SKA1: variants seen among roughly 807,000 people sequenced by gnomAD.
SKA1 encodes SKA complex subunit 1.
Under a neutral mutation model 31.8 loss-of-function variants are expected in SKA1, and 20 were observed. The ratio of observed to expected loss-of-function variants is 0.63; its 90% confidence interval spans 0.44 to 0.91. SKA1 has a LOEUF of 0.91. Ranked by LOEUF, SKA1 falls within the 40% of genes least tolerant of loss-of-function variation. SKA1 has a pLI of 0.00. For synonymous variants in SKA1, 88 were observed against 100.5 expected (o/e 0.88, Z 0.74); for missense variants, 253 against 298.2 (o/e 0.85, Z 1.12).
chr18:50,387,890 TG>T (rs2041323686), intron 5 of SKA1, among the ~76,000 whole-genome samples: 1 of 152,232 alleles, frequency 6.6e-6, no homozygotes, highest in Non-Finnish European at 1.5e-5. Context: ...GCTCTCAGCC[TG>T]TATTTTTATC....
chr18:50,380,453 A>G (rs1289810667), intron 3 of SKA1, among the ~76,000 whole-genome samples: 1 of 152,160 alleles, frequency 6.6e-6, no homozygotes, highest in East Asian at 1.9e-4. Context: ...TGGCCAGTGG[A>G]ATTGAACTTT....
intron 2 of SKA1, among the ~76,000 whole-genome samples, chr18:50,376,923 A>G (rs932253492): frequency 6.6e-6 from 1 of 151,888 alleles, no homozygotes; most frequent in Admixed American, 6.6e-5. Context: ...TTCCACATTC[A>G]CATCTTGTTC....
chr18:50,382,091 A>G, intron 3 of SKA1, 38 bp from the exon 4 acceptor site: 1 of 1,149,072 alleles, frequency 8.7e-7, no homozygotes, highest in Non-Finnish European at 1.2e-6. Context: ...ACACATGGGG[A>G]GGACAGAGAC....
intron 1 of SKA1, 111 bp downstream of exon 1, chr18:50,375,305 G>A (rs1206254600): frequency 2.0e-5 from 3 of 152,380 alleles, no homozygotes; most frequent in African/African-American, 7.2e-5. Context: ...GCTGGAGGCT[G>A]GGTTGGATGC....
chr18:50,384,872 A>G (rs12960059), intron 4 of SKA1, among the ~76,000 whole-genome samples: 1 of 68,790 alleles, frequency 1.5e-5, no homozygotes, highest in Non-Finnish European at 2.6e-5. Context: ...AAAAAAAATT[A>G]AAAAAAAAAA....
chr18:50,381,722 G>GTTT (rs1568328805), intron 3 of SKA1, among the ~76,000 whole-genome samples: 2 of 125,882 alleles, frequency 1.6e-5, no homozygotes. Context: ...CAGTCAATGT[G>GTTT]GTTTTTTTTT....
At chr18:50,379,348 G>C (rs1199208335) in intron 2 of SKA1, among the ~76,000 whole-genome samples, 1 of 152,128 alleles carries the variant, frequency 6.6e-6, no homozygotes, top group Non-Finnish European at 1.5e-5. Context: ...ACCAGCTTGT[G>C]ACTTTTTATG....
chr18:50,382,256 C>A (rs2149320445), intron 4 of SKA1, 30 bp downstream of exon 4: 2 of 1,325,446 alleles, frequency 1.5e-6, no homozygotes, highest in Non-Finnish European at 2.0e-6. Flanking sequence ...TTCTTGCTAT[C>A]TGGATTTATA....
intron 5 of SKA1, among the ~76,000 whole-genome samples, chr18:50,385,961 C>G (rs889766572): frequency 1.3e-5 from 2 of 151,668 alleles, no homozygotes; most frequent in Admixed American, 6.6e-5. Context: ...TTTTATTATA[C>G]GAATAATACA....
intron 1 of SKA1, 37 bp from the exon 2 acceptor site, chr18:50,375,783 T>A: frequency 7.4e-7 from 1 of 1,347,654 alleles, no homozygotes; most frequent in Non-Finnish European, 1.0e-6. Context: ...TTGTGTGGCT[T>A]TTCTTGTTAC....
chr18:50,385,891 A>C (rs941518009), intron 5 of SKA1, among the ~76,000 whole-genome samples: 2 of 152,236 alleles, frequency 1.3e-5, no homozygotes, highest in African/African-American at 4.8e-5. Flanking sequence ...TTTTAAACTC[A>C]TAATTCCAGG....
intron 5 of SKA1, 112 bp downstream of exon 5, chr18:50,385,465 T>G: frequency 9.6e-7 from 1 of 1,046,246 alleles, no homozygotes; most frequent in African/African-American, 1.6e-5. Flanking sequence ...TATTGATCTT[T>G]TAAAAAAGTT....
At chr18:50,381,295 A>G (rs1417963768) in intron 3 of SKA1, among the ~76,000 whole-genome samples, 1 of 152,194 alleles carries the variant, frequency 6.6e-6, no homozygotes, top group Non-Finnish European at 1.5e-5. Context: ...TTAGAGACCA[A>G]AACACCCCAG....
At chr18:50,382,254 A>G (rs369364741) in intron 4 of SKA1, 28 bp downstream of exon 4, 18 of 1,327,292 alleles carry the variant, frequency 1.4e-5, no homozygotes, top group Non-Finnish European at 1.6e-5. Flanking sequence ...TATTCTTGCT[A>G]TCTGGATTTA....
intron 4 of SKA1, among the ~76,000 whole-genome samples, chr18:50,384,282 T>C (rs57587513): frequency 0.048 from 7,307 of 152,202 alleles, 599 homozygotes; most frequent in African/African-American, 0.17. Context: ...TTTCTTATAC[T>C]TGTTATTATG....
rs143203649 is a variant in SKA1, at chr18:50,384,212, A to C, written c.312-1004A>C. 3.0e-3 allele frequency among the ~76,000 whole-genome samples: 463 copies of C among 152,358 alleles called. 3 individuals carry two copies. Among genetic ancestry groups the C allele is most frequent in the African/African-American group, 1.0e-2 (415 of 41,576 alleles). The stretch of plus-strand genomic sequence containing the variant: ...ATTTACCATTCAGATAAGATAGGGT[A>C]TAGCTTTCCAGATTTTACTTAACTA... On this transcript the variant is annotated intron_variant, in intron 4 of 6. Transcript: ENST00000285116.
chr18:50,385,198 T>C lies in SKA1; in HGVS notation c.312-18T>C. The C allele has an allele frequency of 6.3e-7, 1 of 1,590,350 alleles. No homozygotes were observed. The highest frequency in any genetic ancestry group is 8.5e-7 in the Non-Finnish European group (1 of 1,171,122). ...TTTCTGAAAATTGCCTGTATGTATG[T>C]ACATCTGTATTCTGTAGTGTTAAGG... is the stretch of plus-strand genomic sequence containing the variant. On this transcript the variant is annotated intron_variant, in intron 4 of 6. Transcript: ENST00000285116.
intron 4 of SKA1, 117 bp downstream of exon 4, chr18:50,382,343 T>C (rs749141043): frequency 1.8e-6 from 1 of 566,812 alleles, no homozygotes; most frequent in Non-Finnish European, 3.0e-6. Context: ...ATCTAGTTTT[T>C]TGTCACCTAT....
At chr18:50,382,503 A>C (rs1282970549) in intron 4 of SKA1, among the ~76,000 whole-genome samples, 1 of 151,884 alleles carries the variant, frequency 6.6e-6, no homozygotes, top group Non-Finnish European at 1.5e-5. Flanking sequence ...TTGTCAACTG[A>C]CGTTTGTTCC....
Sources: gnomAD v4.1 joint callset for allele counts (sites outside exome capture counted in the v4.1 genomes callset) on GRCh38, gnomAD v4.1.1 for gene constraint, MANE v1.5 for transcripts, NCBI Gene and HGNC (gene_info 2026-07-23, HGNC 2026-07-21) for gene names.